ZEB2: variants seen among roughly 807,000 people sequenced by gnomAD.
ZEB2 encodes zinc finger E-box-binding homeobox 2.
A neutral mutation model predicts 99.9 loss-of-function variants in ZEB2; 6 were observed. That is an observed-to-expected ratio of 0.06 (90% CI 0.03 to 0.12). The LOEUF is 0.12. Ranked by LOEUF, ZEB2 falls within the 10% of genes least tolerant of loss-of-function variation. The pLI, the probability that ZEB2 is intolerant of heterozygous loss-of-function variation, is 1.00. For synonymous variants in ZEB2, 517 were observed against 542.5 expected (o/e 0.95, Z 0.65); for missense variants, 969 against 1,502.8 (o/e 0.64, Z 5.87).
chr2:144,389,477 C>T lies in ZEB2; in HGVS notation c.3619G>A (p.Glu1207Lys), dbSNP rs1703125288. The T allele has an allele frequency of 6.2e-7, 1 of 1,614,022 alleles. No homozygotes were observed. The highest frequency in any genetic ancestry group is 1.1e-5 in the South Asian group (1 of 91,086). Residue 1207 changes from glutamate to lysine, a missense_variant, in exon 10 of 10, where the codon GAA (glutamate) becomes AAA (lysine). By Grantham distance (56) the Glu-to-Lys change is moderately conservative. Around this residue, in one of 8 missense-constraint regions of ZEB2, gnomAD observed 121 missense variants for 166.4 expected, o/e 0.73. Transcript: ENST00000627532. The surrounding 1 kb of genome is among the most constrained non-coding windows in gnomAD (Gnocchi z 6.8). The stretch of plus-strand genomic sequence containing the variant: ...TACATGCCATCTTCCATATTGTCTT[C>T]CTCGTGGTCTGATTTGGTTTCCATT... ...GKMETKSDHE[E>K]DNMEDGM
chr2:144,481,744 A>G (rs1215161159), intron 2 of ZEB2, among the ~76,000 whole-genome samples: 2 of 152,210 alleles, frequency 1.3e-5, no homozygotes, highest in Non-Finnish European at 2.9e-5. Flanking sequence ...TTTGCCATAA[A>G]TGTGTGCACG....
At chr2:144,516,959 G>C (rs868184783) in intron 2 of ZEB2, among the ~76,000 whole-genome samples, 108 of 151,162 alleles carry the variant, frequency 7.1e-4, no homozygotes, top group South Asian at 1.9e-3. Flanking sequence ...CGCGAGCGGA[G>C]CGGGAGGCGG....
At chr2:144,485,785 AT>A (rs1704586373) in intron 2 of ZEB2, among the ~76,000 whole-genome samples, 1 of 151,836 alleles carries the variant, frequency 6.6e-6, no homozygotes, top group Non-Finnish European at 1.5e-5. Context: ...CGCCCGGCTA[AT>A]TTTTGTATTT....
chr2:144,454,686 T>C (rs971894604), intron 2 of ZEB2, among the ~76,000 whole-genome samples: 4 of 152,210 alleles, frequency 2.6e-5, no homozygotes, highest in Non-Finnish European at 4.4e-5. Flanking sequence ...TGTCCTTATA[T>C]GAAGGCTCAT....
rs934100370 is a variant in ZEB2, at chr2:144,400,212, G to A, written c.975C>T (p.Tyr325=). ...CKKRFSHSGS[Y]SSHISSKKCI... is the part of the protein sequence containing the mutation. The stretch of plus-strand genomic sequence containing the variant: ...ATTTCTTGCTGCTGATGTGCGAACT[G>A]TAGGAACCAGAATGGGAGAAACGTT... Residue 325 remains tyrosine (Y), a synonymous_variant, in exon 8 of 10, where the codon TAC becomes TAT. Coordinates refer to ENST00000627532, the MANE Select transcript of ZEB2 (RefSeq NM_014795.4). 2.5e-6 allele frequency: 4 copies of A among 1,613,544 alleles called. No individual in the cohort carries two copies. Among genetic ancestry groups the A allele is most frequent in the African/African-American group, 2.7e-5 (2 of 74,926 alleles).
Position 144,399,535 on chromosome 2 carries a change from A to C in ZEB2, c.1652T>G (p.Ile551Ser). 6.2e-7 allele frequency: 1 copy of C among 1,614,124 alleles called. No individual in the cohort carries two copies. Among genetic ancestry groups the C allele is most frequent in the Non-Finnish European group, 8.5e-7 (1 of 1,180,008 alleles). The change falls in exon 8 of 10, where the codon ATC becomes AGC. Residue 551 changes from isoleucine to serine, a missense_variant. Coordinates refer to ENST00000627532, the MANE Select transcript of ZEB2 (RefSeq NM_014795.4). The surrounding 1 kb of genome is among the most constrained non-coding windows in gnomAD (Gnocchi z 5.6). ...QSLTTDSRRQ[I>S]SNIKKEKLRT... ...TAGCTTCTCTTTCTTTATATTACTG[A>C]TCTGTCTCCTTGAGTCAGTAGTCAA...
At chr2:144,393,620 A>C (rs763707883) in intron 9 of ZEB2, among the ~76,000 whole-genome samples, 1 of 152,204 alleles carries the variant, frequency 6.6e-6, no homozygotes, top group Non-Finnish European at 1.5e-5. Flanking sequence ...GGATAGGAAC[A>C]TGGACTAAAT....
At chr2:144,463,606 ATC>A (rs1704226430) in intron 2 of ZEB2, 1 of 152,172 alleles carries the variant, frequency 6.6e-6, no homozygotes, top group Non-Finnish European at 1.5e-5. Context: ...AGGTGGGAGA[ATC>A]ACTTGAGCCC....
intron 2 of ZEB2, among the ~76,000 whole-genome samples, chr2:144,505,152 A>AG (rs2149927481): frequency 7.0e-6 from 1 of 142,614 alleles, no homozygotes; most frequent in African/African-American, 2.5e-5. Context: ...AGAGAGAAGA[A>AG]AAAAAAAAAA....
intron 2 of ZEB2, among the ~76,000 whole-genome samples, chr2:144,452,492 C>T (rs923003980): frequency 3.9e-5 from 6 of 152,208 alleles, no homozygotes; most frequent in African/African-American, 1.4e-4. Context: ...ACTTGTTAAA[C>T]TGTCTGGTTT....
intron 2 of ZEB2, among the ~76,000 whole-genome samples, chr2:144,452,523 A>G (rs1252834814): frequency 1.3e-5 from 2 of 152,244 alleles, no homozygotes; most frequent in Admixed American, 1.3e-4. Context: ...CAGCCATACA[A>G]CATTATTCAA....
At chr2:144,503,849 C>T (rs1704909737) in intron 2 of ZEB2, 1 of 151,938 alleles carries the variant, frequency 6.6e-6, no homozygotes, top group East Asian at 1.9e-4. Context: ...GATAGTAGGG[C>T]ATTATTTGAC....
Position 144,519,925 on chromosome 2 carries a change from G to GA in ZEB2, c.-70+13dup, listed in dbSNP as rs750071459. On this transcript the variant is annotated intron_variant, in intron 1 of 9. Transcript: ENST00000627532. ...GGGATAAAAAGAGAGAAAAGGGGAG[G>GA]AAAAAAAACCTACCTGCGAAGTCTT... 4.5e-5 allele frequency: 20 copies of GA among 444,424 alleles called. No homozygotes were observed. The highest frequency in any genetic ancestry group is 1.1e-4 in the South Asian group (7 of 62,708). The allele number at this position is 444,424 out of a possible 1,614,324, so 27.5% of individuals were successfully genotyped here. A position where few individuals can be genotyped will look rare whatever the true frequency, so the allele number is the denominator to read the frequency against.
intron 9 of ZEB2, among the ~76,000 whole-genome samples, chr2:144,392,169 C>CTACG (rs1236103626): frequency 2.0e-5 from 3 of 152,186 alleles, no homozygotes; most frequent in Non-Finnish European, 4.4e-5. Flanking sequence ...GCTCTAGTTG[C>CTACG]TACGGCGTGT....
At chr2:144,419,058 C>A (rs775504931) in intron 4 of ZEB2, among the ~76,000 whole-genome samples, 4 of 152,122 alleles carry the variant, frequency 2.6e-5, no homozygotes. Flanking sequence ...AGGCCTTGTA[C>A]ATAAGGAATC....
At chr2:144,475,695 T>TA (rs1359971962) in intron 2 of ZEB2, among the ~76,000 whole-genome samples, 2 of 151,962 alleles carry the variant, frequency 1.3e-5, no homozygotes, top group African/African-American at 4.8e-5. Flanking sequence ...ACTGCCTCCT[T>TA]AAAAAAAATT....
chr2:144,411,117 CATAT>C lies in ZEB2; in HGVS notation c.404-6097_404-6094del, dbSNP rs72438326. Among the ~76,000 whole-genome samples the C allele has an allele frequency of 1.8e-3, 133 of 74,826 alleles. 2 individuals are homozygous for C. The highest frequency in any genetic ancestry group is 4.4e-3 in the South Asian group (11 of 2,510). The allele number at this position is 74,826 out of a possible 152,430, so 49.1% of individuals were successfully genotyped here. ...TATATATATGTATAATAGGGCATCT[CATAT>C]ATACACACACACACACACACACACA... is the stretch of plus-strand genomic sequence containing the variant. On this transcript the variant is annotated intron_variant, in intron 4 of 9. Transcript: ENST00000627532.
At chr2:144,416,196 T>C (rs11904051) in intron 4 of ZEB2, among the ~76,000 whole-genome samples, 38,952 of 152,054 alleles carry the variant, frequency 0.26, 5,355 homozygotes, top group African/African-American at 0.35. Flanking sequence ...CTGAAAAGTT[T>C]CCTAGTCCCT....
intron 6 of ZEB2, among the ~76,000 whole-genome samples, chr2:144,401,638 C>A (rs552861850): frequency 6.6e-6 from 1 of 152,224 alleles, no homozygotes; most frequent in Non-Finnish European, 1.5e-5. Flanking sequence ...ACCACAAATT[C>A]TAAAATATGA....
Sources: allele counts gnomAD v4.1 joint callset (sites outside exome capture counted in the v4.1 genomes callset), GRCh38; gene constraint gnomAD v4.1.1; regional missense constraint gnomAD v4.1.1; non-coding constraint Gnocchi (gnomAD v3.1); transcripts MANE v1.5; gene names NCBI Gene and HGNC (gene_info 2026-07-23, HGNC 2026-07-21).